DAGLB: variants seen among roughly 807,000 people sequenced by gnomAD.
DAGLB encodes diacylglycerol lipase-beta.
DAGLB carries 66 observed loss-of-function variants against 72.1 expected under a neutral mutation model. The observed-to-expected ratio is 0.92, with a 90% CI of 0.75 to 1.12. The LOEUF (loss-of-function observed/expected upper bound fraction) is 1.12. Among genes scored for constraint, DAGLB ranks in the 50% most tolerant of loss-of-function variants. The probability of loss-of-function intolerance (pLI) is 0.00; values close to 1 mark genes in which losing one functional copy is unlikely to be tolerated. For missense variants in DAGLB, 1,065 were observed against 884.9 expected (o/e 1.20, Z -2.58); for synonymous variants, 414 against 359.5 (o/e 1.15, Z -1.71).
rs57374634 is a variant in DAGLB at position 6,430,250 on chromosome 7, CATATATATATAT to C, written c.929+218_929+229del. On this transcript the variant is annotated intron_variant, in intron 6 of 14. Coordinates refer to ENST00000297056, the MANE Select transcript of DAGLB (RefSeq NM_139179.4). ...GGTTCGGGGAAAAAAAATACATGTG[CATATATATATAT>C]ATATATATATATATATATATGCAGG... Among the ~76,000 whole-genome samples the C allele has an allele frequency of 1.0e-3, 48 of 45,748 alleles. 5 individuals are homozygous for C. In the East Asian group the frequency reaches 0.011, roughly 10 times the overall value. 30.0% of individuals were successfully genotyped at this position (45,748 alleles called of 152,430 possible).
chr7:6,436,540 T>C lies in DAGLB; in HGVS notation c.248-7A>G. ...CCAGGGTTACAAATCGTTCCTGAAATACAAAAAACGTTCCGACTGCTCAGT... is the reference window on the plus strand; with the variant it reads ...CCAGGGTTACAAATCGTTCCTGAAACACAAAAAACGTTCCGACTGCTCAGT... On this transcript the variant is annotated splice_region_variant and splice_polypyrimidine_tract_variant and intron_variant, in intron 2 of 14. Coordinates refer to ENST00000297056, the MANE Select transcript of DAGLB (RefSeq NM_139179.4). 2 of 1,613,070 alleles carry C rather than the reference T, an allele frequency of 1.2e-6. No individual in the cohort carries two copies. Among genetic ancestry groups the C allele is most frequent in the Admixed American group, 1.7e-5 (1 of 59,524 alleles).
chr7:6,410,237 C>T lies in DAGLB; in HGVS notation c.1713G>A (p.Pro571=), dbSNP rs200100878. ...GGGAGTCGCTGGAGAAGCTGTAGGC[C>T]GGGGACCAGCGCGTCAGTAGGCTCT... The part of the protein sequence containing the change: ...GEQSLLTRWS[P]AYSFSSDSPL... The change falls in exon 14 of 15, where the codon CCG becomes CCA. Residue 571 remains proline, a synonymous_variant. Coordinates refer to ENST00000297056, the MANE Select transcript of DAGLB (RefSeq NM_139179.4). The T allele has an allele frequency of 1.8e-4, 297 of 1,612,112 alleles. 2 individuals carry two copies. The South Asian group carries it at 2.5e-3, about 14-fold the overall frequency.
intron 11 of DAGLB, 141 bp downstream of exon 11, chr7:6,416,486 T>C: frequency 7.9e-7 from 1 of 1,273,884 alleles, no homozygotes; most frequent in Non-Finnish European, 1.1e-6. Context: ...GAGCTTGCAG[T>C]GAGCCGAGAT....
At chr7:6,437,776 G>T (rs1264840390) in intron 2 of DAGLB, among the ~76,000 whole-genome samples, 2 of 152,108 alleles carry the variant, frequency 1.3e-5, no homozygotes, top group African/African-American at 4.8e-5. Flanking sequence ...AGCCTCCCTA[G>T]TAGCTGGGAT....
At chr7:6,425,215 G>GAGAA (rs941839542) in intron 7 of DAGLB, among the ~76,000 whole-genome samples, 1 of 152,204 alleles carries the variant, frequency 6.6e-6, no homozygotes, top group African/African-American at 2.4e-5. Context: ...CGGTGCCTAT[G>GAGAA]AGAATCACCT....
At position 6,436,387 on chromosome 7, in the gene DAGLB, C is replaced by T. The variant is rs763592341; in HGVS notation, c.394G>A (p.Gly132Ser). Residue 132 changes from glycine to serine, a missense_variant, in exon 3 of 15, where the codon GGC (glycine) becomes AGC (serine). Gly to Ser is a moderately conservative substitution (Grantham distance 56). Coordinates refer to ENST00000297056, the MANE Select transcript of DAGLB (RefSeq NM_139179.4). Reference protein sequence around the residue: ...GVQCDRTVVNGIIATVVVSWI... With the variant: ...GVQCDRTVVNSIIATVVVSWI... ...CTGACCACGACGGTTGCGATGATGC[C>T]GTTTACAACTGTCCTGTCGCACTGA... is the stretch of plus-strand genomic sequence containing the variant. 5.5e-5 allele frequency: 88 copies of T among 1,610,486 alleles called. No homozygotes were observed. The highest frequency in any genetic ancestry group is 7.1e-5 in the Non-Finnish European group (84 of 1,179,054).
At chr7:6,418,380 T>C (rs958999263) in intron 9 of DAGLB, among the ~76,000 whole-genome samples, 23 of 151,176 alleles carry the variant, frequency 1.5e-4, no homozygotes, top group African/African-American at 5.6e-4. Flanking sequence ...AAAATAATCA[T>C]CATAAAAATA....
Position 6,447,839 on chromosome 7 carries a change from G to A in DAGLB, c.4C>T (p.Pro2Ser). 1.2e-6 allele frequency: 2 copies of A among 1,610,446 alleles called. No homozygotes were observed. Among genetic ancestry groups the A allele is most frequent in the Admixed American group, 1.7e-5 (1 of 59,500 alleles). Residue 2 changes from proline (P) to serine (S), a missense_variant, in exon 1 of 15, where the codon CCG (proline) becomes TCG (serine). Coordinates refer to ENST00000297056, the MANE Select transcript of DAGLB (RefSeq NM_139179.4). ...CGCCGGCCGAAGAGTACCATCCCCG[G>A]CATGGCGAAGGTCCCGTAGCTCGCA... M[P>S]GMVLFGRRWA...
In DAGLB at chr7:6,430,578, G is replaced by A. The variant is rs376414963; in HGVS notation, c.831C>T (p.Asn277=). The A allele has an allele frequency of 1.2e-6, 2 of 1,604,112 alleles. No individual in the cohort carries two copies. The highest frequency in any genetic ancestry group is 1.1e-5 in the South Asian group (1 of 89,646). The change falls in exon 6 of 15, where the codon AAC becomes AAT. Residue 277 remains asparagine, a synonymous_variant. Coordinates refer to ENST00000297056, the MANE Select transcript of DAGLB (RefSeq NM_139179.4). The stretch of plus-strand genomic sequence containing the variant: ...CTGCAAACTGCATGTAATGATGGCA[G>A]TTTTCTAATTCTGCATCCAGATCAG... ...QEADLDAELE[N]CHHYMQFAAA... is the part of the protein sequence containing the mutation.
chr7:6,430,413 A>G (rs1784449537), intron 6 of DAGLB, 67 bp downstream of exon 6: 1 of 1,404,620 alleles, frequency 7.1e-7, no homozygotes. Flanking sequence ...AATTTTTGAA[A>G]TATCTCAAAA....
At chr7:6,436,106 G>A (rs971422766) in intron 3 of DAGLB, among the ~76,000 whole-genome samples, 1 of 151,858 alleles carries the variant, frequency 6.6e-6, no homozygotes, top group Non-Finnish European at 1.5e-5. Flanking sequence ...AAAAAAGAGA[G>A]AGAGACAGAA....
In DAGLB at chr7:6,426,057, G is replaced by C; in HGVS notation, c.987C>G (p.His329Gln). Residue 329 changes from histidine to glutamine, a missense_variant, in exon 7 of 15, where the codon CAC becomes CAG. Physicochemically the swap from His to Gln is conservative, Grantham distance 24 (BLOSUM62 0). Transcript: ENST00000297056. ...DLVGGDQLNC[H>Q]FGSILHTTGL... ...CTGTGGTGTGCAGGATGGAGCCGAA[G>C]TGACAGTTGAGCTGATCGCCTCCGA... 1.2e-6 allele frequency: 2 copies of C among 1,614,094 alleles called. No individual in the cohort carries two copies. The highest frequency in any genetic ancestry group is 1.7e-6 in the Non-Finnish European group (2 of 1,179,998).
At chr7:6,416,277 C>T in intron 11 of DAGLB, 2 of 185,168 alleles carry the variant, frequency 1.1e-5, no homozygotes, top group Admixed American at 1.1e-4. Flanking sequence ...GGTGCGGTGG[C>T]TCACGCCTGT....
chr7:6,414,682 GA>G (rs903505446), intron 11 of DAGLB, among the ~76,000 whole-genome samples: 3 of 152,044 alleles, frequency 2.0e-5, no homozygotes, highest in Non-Finnish European at 4.4e-5. Flanking sequence ...TCTTTCCAAT[GA>G]AAAGGCCTGG....
Position 6,426,076 on chromosome 7 carries a change from C to A in DAGLB, c.968G>T (p.Gly323Val). 1.2e-6 allele frequency: 2 copies of A among 1,614,000 alleles called. No individual in the cohort carries two copies. The highest frequency in any genetic ancestry group is 4.5e-5 in the East Asian group (2 of 44,876). The change falls in exon 7 of 15, where the codon GGC becomes GTC. Residue 323 changes from glycine to valine, a missense_variant. Physicochemically the swap from Gly to Val is moderately radical, Grantham distance 109 (BLOSUM62 -3). Transcript: ENST00000297056. ...SRTTDYDLVG[G>V]DQLNCHFGSI... ...GCCGAAGTGACAGTTGAGCTGATCG[C>A]CTCCGACCAAGTCATAGTCTGTGGT...
At chr7:6,440,914 G>C (rs974917213) in intron 2 of DAGLB, among the ~76,000 whole-genome samples, 18 of 151,568 alleles carry the variant, frequency 1.2e-4, no homozygotes, top group African/African-American at 4.4e-4. Context: ...TCCTTTACAT[G>C]TTCATGTTCT....
intron 2 of DAGLB, among the ~76,000 whole-genome samples, chr7:6,443,249 T>A (rs1384870890): frequency 1.2e-3 from 92 of 78,090 alleles, no homozygotes; most frequent in Non-Finnish European, 1.6e-3. Context: ...TTGTCTCTAC[T>A]AAAAAAAAAA....
At chr7:6,434,518 G>A (rs918080973) in intron 4 of DAGLB, among the ~76,000 whole-genome samples, 1 of 152,142 alleles carries the variant, frequency 6.6e-6, no homozygotes, top group African/African-American at 2.4e-5. Flanking sequence ...CATTTTGACA[G>A]GGTAGTGAGT....
In DAGLB at chr7:6,418,552, CG is replaced by C. The variant is rs559261087; in HGVS notation, c.1219-1632del. ...CTCCTGTGCTGGGCTCGGAGAAAAG[CG>C]GGCCTGGCCCCTGTCCCGTGCAGCT... On this transcript the variant is annotated intron_variant, in intron 9 of 14. Coordinates refer to ENST00000297056, the MANE Select transcript of DAGLB (RefSeq NM_139179.4). Among the ~76,000 whole-genome samples, 260 of 152,256 alleles carry C rather than the reference CG, an allele frequency of 1.7e-3. 4 individuals are homozygous for C. Among genetic ancestry groups the C allele is most frequent in the Non-Finnish European group, 1.3e-3 (89 of 68,014 alleles).
Sources: gnomAD v4.1 joint callset for allele counts (sites outside exome capture counted in the v4.1 genomes callset) on GRCh38, gnomAD v4.1.1 for gene constraint, MANE v1.5 for transcripts, NCBI Gene and HGNC (gene_info 2026-07-23, HGNC 2026-07-21) for gene names.